Variants in DOCK6 observed in about 807,000 individuals in gnomAD.
The protein encoded by DOCK6 is dedicator of cytokinesis 6.
A neutral mutation model predicts 230.3 loss-of-function variants in DOCK6; 167 were observed. The ratio of observed to expected loss-of-function variants is 0.73; its 90% CI spans 0.64 to 0.82. The LOEUF (loss-of-function observed/expected upper bound fraction) is 0.82. Among genes scored for constraint, DOCK6 ranks in the 40% least tolerant of loss-of-function variants. The pLI is 0.00. For synonymous variants in DOCK6, 1,148 were observed against 1,185.0 expected (o/e 0.97, Z 0.64); for missense variants, 2,598 against 2,825.8 (o/e 0.92, Z 1.83).
rs759513988 is a variant in DOCK6 at position 11,237,623 on chromosome 19, AG to A, written c.1971+17del. 2.3e-5 allele frequency: 5 copies of A among 216,196 alleles called. No individual in the cohort carries two copies. The highest frequency in any genetic ancestry group is 2.0e-4 in the South Asian group (5 of 25,482). 13.4% of individuals were successfully genotyped at this position (216,196 alleles called of 1,614,324 possible). On this transcript the variant is annotated intron_variant, in intron 17 of 47. Transcript: ENST00000294618. ...GGACGAGGAGGGCTCAGGGGGAGGG[AG>A]GGAGGGGACGGCTCACAGTAAAGCC...
At position 11,246,958 on chromosome 19, in the gene DOCK6, G is replaced by A. The variant is rs535588737; in HGVS notation, c.807-1080C>T. Among the ~76,000 whole-genome samples the A allele has an allele frequency of 3.3e-5, 5 of 152,244 alleles. No individual in the cohort carries two copies. In the South Asian group the frequency reaches 1.0e-3, roughly 32 times the overall value. Reference sequence around the variant, plus strand: ...CTCCATGTACACGTCCCCCTGCAAGGGAAGCTGTCCCAGATACCCGCTCGC... The same window carrying A: ...CTCCATGTACACGTCCCCCTGCAAGAGAAGCTGTCCCAGATACCCGCTCGC... On this transcript the variant is annotated intron_variant, in intron 7 of 47. Transcript: ENST00000294618.
chr19:11,225,861 A>C, intron 24 of DOCK6, among the ~76,000 whole-genome samples: 1 of 122,326 alleles, frequency 8.2e-6, no homozygotes, highest in African/African-American at 3.5e-5. Context: ...TGAGACCCTG[A>C]CTCTACTAAA....
At chr19:11,251,215 T>A in intron 5 of DOCK6, 129 bp from the exon 6 acceptor site, 1 of 931,820 alleles carries the variant, frequency 1.1e-6, no homozygotes, top group Non-Finnish European at 1.6e-6. Context: ...GTCATCACTC[T>A]AAGGGTCACC....
chr19:11,252,974 G>A lies in DOCK6; in HGVS notation c.133-16C>T. 1.3e-6 allele frequency: 2 copies of A among 1,593,804 alleles called. No individual in the cohort carries two copies. Among genetic ancestry groups the A allele is most frequent in the Non-Finnish European group, 1.7e-6 (2 of 1,169,866 alleles). ...TCAGTGGGACCTGGATTGGAGCAAA[G>A]TGGCTGTGATCGCACTACCTAGGAG... On this transcript the variant is annotated splice_polypyrimidine_tract_variant and intron_variant, in intron 2 of 47. Coordinates refer to ENST00000294618, the MANE Select transcript of DOCK6 (RefSeq NM_020812.4).
At chr19:11,249,677 C>T (rs567243706) in intron 6 of DOCK6, among the ~76,000 whole-genome samples, 2 of 151,698 alleles carry the variant, frequency 1.3e-5, no homozygotes, top group Admixed American at 1.3e-4. Context: ...GGGCGGATCA[C>T]CTGAGGTCAG....
chr19:11,251,609 A>G (rs1433278142), intron 5 of DOCK6: 2 of 153,920 alleles, frequency 1.3e-5, no homozygotes, highest in African/African-American at 4.8e-5. Flanking sequence ...AATCCCAGCT[A>G]CCCGGGAGGC....
At position 11,236,496 on chromosome 19, in the gene DOCK6, G is replaced by T; in HGVS notation, c.2242C>A (p.Leu748Met). The T allele has an allele frequency of 6.2e-7, 1 of 1,603,496 alleles. No homozygotes were observed. Among genetic ancestry groups the T allele is most frequent in the Non-Finnish European group, 8.5e-7 (1 of 1,175,550 alleles). ...TCCTGCTCCACGTTGCCCTCGCTCA[G>T]CACAGTGTCCTTGAGCCGGAATGGG... ...AFPFRLKDTV[L>M]SEGNVEQELR... is the part of the protein sequence containing the mutation. The change falls in exon 20 of 48, where the codon CTG (leucine) becomes ATG (methionine). Residue 748 changes from leucine (L) to methionine (M), a missense_variant. By Grantham distance (15) the Leu-to-Met change is conservative (BLOSUM62 2). Transcript: ENST00000294618. This position sits in a 1 kb window ranked among gnomAD's most constrained non-coding sequence, Gnocchi z 5.2.
chr19:11,208,575 A>G (rs1487025790), intron 39 of DOCK6, 111 bp downstream of exon 39: 4 of 1,450,310 alleles, frequency 2.8e-6, no homozygotes, highest in African/African-American at 1.4e-5. Flanking sequence ...CACCGCGCCC[A>G]GCCTATTCTC....
rs748871397 is a variant in DOCK6, at chr19:11,208,812, C to T, written c.4962G>A (p.Val1654=). 2.9e-5 allele frequency: 46 copies of T among 1,613,488 alleles called. No homozygotes were observed. The highest frequency in any genetic ancestry group is 3.9e-5 in the Non-Finnish European group (46 of 1,179,630). ...CGTCGGAGATGGCGGACTCCTCTAG[C>T]ACGTTGGATGAGATGTTCTGGGGTG... ...CVSFQNISSN[V]LEESAISDDI... Residue 1654 remains valine (V), a synonymous_variant, in exon 39 of 48, where the codon GTG becomes GTA. Coordinates refer to ENST00000294618, the MANE Select transcript of DOCK6 (RefSeq NM_020812.4).
rs1053017727 is a variant in DOCK6, at chr19:11,215,420, G to A, written c.4073C>T (p.Thr1358Ile). 2 of 1,613,680 alleles carry A rather than the reference G, an allele frequency of 1.2e-6. No individual in the cohort carries two copies. The highest frequency in any genetic ancestry group is 1.7e-6 in the Non-Finnish European group (2 of 1,179,838). The change falls in exon 32 of 48, where the codon ACA (threonine) becomes ATA (isoleucine). Residue 1358 changes from threonine to isoleucine, a missense_variant. Transcript: ENST00000294618. ...PENVRWRKSV[T>I]HWKQTSDRVD... Reference sequence around the variant, plus strand: ...GCGGTCTGAGGTTTGCTTCCAGTGTGTGACGCTCTTCCGCCAGCGCACATT... The same window carrying A: ...GCGGTCTGAGGTTTGCTTCCAGTGTATGACGCTCTTCCGCCAGCGCACATT...
At chr19:11,242,313 G>A in intron 13 of DOCK6, 106 bp from the exon 14 acceptor site, 1 of 1,175,570 alleles carries the variant, frequency 8.5e-7, no homozygotes, top group Non-Finnish European at 1.1e-6. Context: ...GTTCTCTGGG[G>A]ACTGGGGGCT....
intron 21 of DOCK6, among the ~76,000 whole-genome samples, chr19:11,234,700 G>C (rs763019430): frequency 6.6e-6 from 1 of 152,092 alleles, no homozygotes; most frequent in Admixed American, 6.6e-5. Context: ...TAGGTGGCAG[G>C]GCCAGGATTC....
intron 39 of DOCK6, chr19:11,205,731 T>A (rs1035214012): frequency 1.3e-5 from 2 of 151,152 alleles, no homozygotes; most frequent in Non-Finnish European, 2.9e-5. Flanking sequence ...TGCCTCGGCC[T>A]CCAAAGTGCT....
In DOCK6 at chr19:11,222,181, A is replaced by C. The variant is rs1209211120; in HGVS notation, c.3308T>G (p.Phe1103Cys). 1.2e-6 allele frequency: 2 copies of C among 1,609,380 alleles called. No individual in the cohort carries two copies. The highest frequency in any genetic ancestry group is 1.3e-5 in the African/African-American group (1 of 74,790). ...VTSMFELSGP[F>C]RQQHFLAGLL... ...CCCAGCTAGGAAGTGCTGCTGCCGG[A>C]ATGGTCCACTCAGTTCGAACATGCT... The change falls in exon 27 of 48, where the codon TTC (phenylalanine) becomes TGC (cysteine). Residue 1103 changes from phenylalanine to cysteine, a missense_variant. Physicochemically the swap from Phe to Cys is radical, Grantham distance 205. Coordinates refer to ENST00000294618, the MANE Select transcript of DOCK6 (RefSeq NM_020812.4). This position sits in a 1 kb window ranked among gnomAD's most constrained non-coding sequence, Gnocchi z 4.0.
Position 11,223,125 on chromosome 19 carries a change from G to A in DOCK6, c.2956-19C>T. On this transcript the variant is annotated intron_variant, in intron 24 of 47. Transcript: ENST00000294618. ...CCACATCCTGGGGACACAGGTGCCT[G>A]TCAACCCACACACCCAAACCTCAGC... The A allele has an allele frequency of 2.5e-6, 4 of 1,608,224 alleles. No homozygotes were observed. Among genetic ancestry groups the A allele is most frequent in the Non-Finnish European group, 3.4e-6 (4 of 1,176,246 alleles).
At chr19:11,262,332 G>A in intron 1 of DOCK6, 65 bp downstream of exon 1, 1 of 985,810 alleles carries the variant, frequency 1.0e-6, no homozygotes. Flanking sequence ...GGGGAGGGTC[G>A]CACCGCCCCG....
Position 11,200,653 on chromosome 19 carries a change from C to T in DOCK6, c.5939+63G>A. ...GGGAGCCATGCAGAGATCAGATGGG[C>T]AGAGAGCAGGCCTATGCAGGTTAGG... On this transcript the variant is annotated intron_variant, in intron 46 of 47. Coordinates refer to ENST00000294618, the MANE Select transcript of DOCK6 (RefSeq NM_020812.4). The surrounding 1 kb of genome is among the most constrained non-coding windows in gnomAD (Gnocchi z 4.3). 1 of 1,525,832 alleles carries T rather than the reference C, an allele frequency of 6.6e-7. No individual in the cohort carries two copies. The highest frequency in any genetic ancestry group is 8.9e-7 in the Non-Finnish European group (1 of 1,126,882). The allele number at this position is 1,525,832 out of a possible 1,614,324, so 94.5% of individuals were successfully genotyped here.
chr19:11,218,553 T>C (rs945313685), intron 28 of DOCK6, among the ~76,000 whole-genome samples: 1 of 152,058 alleles, frequency 6.6e-6, no homozygotes, highest in Non-Finnish European at 1.5e-5. Context: ...ACTCAAGTGA[T>C]CCTCCCACCT....
chr19:11,201,249 C>A lies in DOCK6; in HGVS notation c.5689-197G>T, dbSNP rs1379366447. Reference sequence around the variant, plus strand: ...TCTGCTGGGTCTGGTGCCCTGGGGTCCAGGGGCTTTACCTCTGGGGTCTCC... The same window carrying A: ...TCTGCTGGGTCTGGTGCCCTGGGGTACAGGGGCTTTACCTCTGGGGTCTCC... On this transcript the variant is annotated intron_variant, in intron 44 of 47. Coordinates refer to ENST00000294618, the MANE Select transcript of DOCK6 (RefSeq NM_020812.4). This position sits in a 1 kb window ranked among gnomAD's most constrained non-coding sequence, Gnocchi z 4.3. Among the ~76,000 whole-genome samples, 1 of 151,880 alleles carries A rather than the reference C, an allele frequency of 6.6e-6. No individual in the cohort carries two copies. Among genetic ancestry groups the A allele is most frequent in the Non-Finnish European group, 1.5e-5 (1 of 67,954 alleles).
Sources: allele counts gnomAD v4.1 joint callset (sites outside exome capture counted in the v4.1 genomes callset), GRCh38; gene constraint gnomAD v4.1.1; non-coding constraint Gnocchi (gnomAD v3.1); transcripts MANE v1.5; gene names NCBI Gene and HGNC (gene_info 2026-07-23, HGNC 2026-07-21).